The following GRM8 variants were observed in gnomAD, a reference collection of about 807,000 sequenced individuals.
GRM8 encodes the protein metabotropic glutamate receptor 8.
Under a neutral mutation model 87.2 loss-of-function variants are expected in GRM8, and 47 were observed. The observed-to-expected ratio is 0.54, with a 90% CI of 0.43 to 0.69. The LOEUF (loss-of-function observed/expected upper bound fraction) is 0.69, where lower values mean the gene tolerates loss of function less well. Ranked by LOEUF, GRM8 falls within the 30% of genes least tolerant of loss-of-function variation. GRM8 has a pLI of 0.00. For missense variants in GRM8, 1,019 were observed against 1,139.2 expected (o/e 0.89, Z 1.52); for synonymous variants, 396 against 404.5 (o/e 0.98, Z 0.25).
At chr7:127,085,987 T>C (rs1371107285) in intron 3 of GRM8, among the ~76,000 whole-genome samples, 1 of 152,216 alleles carries the variant, frequency 6.6e-6, no homozygotes, top group Non-Finnish European at 1.5e-5. Context: ...ATCAAGAATA[T>C]TGGAAACATA....
At chr7:126,686,859 C>T (rs142855818) in intron 7 of GRM8, among the ~76,000 whole-genome samples, 209 of 152,324 alleles carry the variant, frequency 1.4e-3, no homozygotes, top group Non-Finnish European at 2.6e-3. Flanking sequence ...CGACACCCCA[C>T]GGATCCTGTA....
chr7:127,126,573 A>G (rs1030894713), intron 2 of GRM8, among the ~76,000 whole-genome samples: 3 of 151,996 alleles, frequency 2.0e-5, no homozygotes, highest in Non-Finnish European at 4.4e-5. Flanking sequence ...CTTCACCACT[A>G]TATAATATGT....
chr7:126,887,456 T>C (rs1289938309), intron 6 of GRM8, among the ~76,000 whole-genome samples: 9 of 152,084 alleles, frequency 5.9e-5, no homozygotes, highest in Admixed American at 3.9e-4. Context: ...CAGAACATGT[T>C]GTGAGTGTCT....
At chr7:126,612,140 A>G (rs893443481) in intron 7 of GRM8, among the ~76,000 whole-genome samples, 3 of 152,200 alleles carry the variant, frequency 2.0e-5, no homozygotes, top group Non-Finnish European at 4.4e-5. Flanking sequence ...GATTAAATGA[A>G]TCAATATATA....
intron 8 of GRM8, among the ~76,000 whole-genome samples, chr7:126,573,337 T>A (rs994304765): frequency 4.6e-5 from 7 of 152,160 alleles, no homozygotes; most frequent in Admixed American, 1.3e-4. Context: ...ATAAGTTGTA[T>A]ATGTGAGAAG....
chr7:126,595,351 C>A (rs188761519), intron 8 of GRM8, among the ~76,000 whole-genome samples: 1 of 151,476 alleles, frequency 6.6e-6, no homozygotes, highest in East Asian at 1.9e-4. Flanking sequence ...AGGCACACAC[C>A]ACCACCCCAG....
In GRM8 at chr7:127,145,749, C is replaced by T. The variant is rs567624740; in HGVS notation, c.511-39037G>A. Among the ~76,000 whole-genome samples the T allele has an allele frequency of 3.0e-4, 45 of 151,992 alleles. 2 individuals carry two copies. Among genetic ancestry groups the T allele is most frequent in the Middle Eastern group, 3.4e-3 (1 of 292 alleles). On this transcript the variant is annotated intron_variant, in intron 2 of 10. Coordinates refer to ENST00000339582, the MANE Select transcript of GRM8 (RefSeq NM_000845.3). Reference sequence around the variant, plus strand: ...TTTAGTCAGTGAATTAACAAGAAAACGGAACAAACCCTGCTCTGAGGATTA... The same window carrying T: ...TTTAGTCAGTGAATTAACAAGAAAATGGAACAAACCCTGCTCTGAGGATTA...
intron 8 of GRM8, among the ~76,000 whole-genome samples, chr7:126,566,057 A>T (rs1187686764): frequency 6.6e-6 from 1 of 152,198 alleles, no homozygotes; most frequent in African/African-American, 2.4e-5. Flanking sequence ...AAAGAACTAA[A>T]TGTAAGACCT....
chr7:126,603,423 T>C (rs1471832124), intron 8 of GRM8, among the ~76,000 whole-genome samples: 1 of 151,182 alleles, frequency 6.6e-6, no homozygotes, highest in African/African-American at 2.4e-5. Flanking sequence ...GGGTATTCAA[T>C]TAGGAAAAGA....
At chr7:127,225,792 T>C (rs1158756516) in intron 2 of GRM8, among the ~76,000 whole-genome samples, 10 of 151,634 alleles carry the variant, frequency 6.6e-5, no homozygotes. Context: ...TTAATTTTAT[T>C]AGGGACAGGA....
intron 2 of GRM8, among the ~76,000 whole-genome samples, chr7:127,223,888 G>C (rs1170618915): frequency 6.9e-6 from 1 of 144,784 alleles, no homozygotes; most frequent in Non-Finnish European, 1.5e-5. Flanking sequence ...GAAACTTTGG[G>C]ACTGAAATAT....
chr7:126,500,144 G>A (rs1809424072), intron 9 of GRM8, among the ~76,000 whole-genome samples: 1 of 151,772 alleles, frequency 6.6e-6, no homozygotes, highest in Non-Finnish European at 1.5e-5. Flanking sequence ...TAGTCACCTT[G>A]CTGTACAATA....
At chr7:126,505,541 T>C (rs888947039) in intron 9 of GRM8, among the ~76,000 whole-genome samples, 2 of 152,066 alleles carry the variant, frequency 1.3e-5, no homozygotes, top group African/African-American at 4.8e-5. Context: ...CTCTGCAAAC[T>C]ACTTTTACCT....
chr7:127,062,716 A>G (rs1178085116), intron 3 of GRM8, among the ~76,000 whole-genome samples: 2 of 152,076 alleles, frequency 1.3e-5, no homozygotes, highest in Non-Finnish European at 2.9e-5. Flanking sequence ...TCAGGGAATC[A>G]TTTTATTCCT....
intron 7 of GRM8, among the ~76,000 whole-genome samples, chr7:126,755,707 T>G (rs1816928887): frequency 6.6e-6 from 1 of 151,478 alleles, no homozygotes; most frequent in African/African-American, 2.4e-5. Context: ...TTTTAGTACT[T>G]TGGAACTACC....
At chr7:126,504,559 T>A (rs544059915) in intron 9 of GRM8, among the ~76,000 whole-genome samples, 1 of 152,152 alleles carries the variant, frequency 6.6e-6, no homozygotes, top group East Asian at 1.9e-4. Flanking sequence ...CTATGCCTAT[T>A]ACCTGAGTGG....
chr7:127,178,046 C>T (rs12531880), intron 2 of GRM8, among the ~76,000 whole-genome samples: 32,356 of 151,944 alleles, frequency 0.21, 3,620 homozygotes, highest in Middle Eastern at 0.3. Context: ...AGTTATTAAT[C>T]TAATCAGGGA....
intron 6 of GRM8, among the ~76,000 whole-genome samples, chr7:126,774,606 T>G (rs1289834366): frequency 6.6e-6 from 1 of 152,160 alleles, no homozygotes; most frequent in Non-Finnish European, 1.5e-5. Context: ...ATCTTGTGAC[T>G]GGATCTCAAG....
chr7:126,812,685 C>T (rs1236571859), intron 6 of GRM8, among the ~76,000 whole-genome samples: 4 of 151,838 alleles, frequency 2.6e-5, no homozygotes, highest in Admixed American at 1.3e-4. Flanking sequence ...CAGCAGATAC[C>T]AAGGGAGGAC....
Sources: gnomAD v4.1 joint callset for allele counts (sites outside exome capture counted in the v4.1 genomes callset) on GRCh38, gnomAD v4.1.1 for gene constraint, MANE v1.5 for transcripts, NCBI Gene and HGNC (gene_info 2026-07-23, HGNC 2026-07-21) for gene names.